Variants in CDH18 observed in about 807,000 individuals in gnomAD.
CDH18 encodes the protein cadherin 18, also known as cadherin-18.
A neutral mutation model predicts 67.9 loss-of-function variants in CDH18; 31 were observed. The ratio of observed to expected loss-of-function variants is 0.46; its 90% CI spans 0.34 to 0.62. The LOEUF (loss-of-function observed/expected upper bound fraction) is 0.62, where lower values mean the gene tolerates loss of function less well. Ranked by LOEUF, CDH18 falls within the 20% of genes least tolerant of loss-of-function variation. The pLI, the probability that CDH18 is intolerant of heterozygous loss-of-function variation, is 0.01. For synonymous variants in CDH18, 362 were observed against 347.2 expected (o/e 1.04, Z -0.48); for missense variants, 890 against 975.5 (o/e 0.91, Z 1.17).
At chr5:19,606,437 A>C (rs950322070) in intron 6 of CDH18, among the ~76,000 whole-genome samples, 1 of 152,136 alleles carries the variant, frequency 6.6e-6, no homozygotes. Context: ...GTTTAAATAA[A>C]GAAAAGGGTG....
chr5:20,203,715 T>G (rs1313305961), intron 2 of CDH18, among the ~76,000 whole-genome samples: 2 of 148,950 alleles, frequency 1.3e-5, no homozygotes, highest in Non-Finnish European at 3.0e-5. Context: ...GACATAGACA[T>G]ACTTCCACAA....
At chr5:19,661,428 T>C (rs1757159140) in intron 5 of CDH18, among the ~76,000 whole-genome samples, 1 of 151,924 alleles carries the variant, frequency 6.6e-6, no homozygotes, top group Non-Finnish European at 1.5e-5. Context: ...AATATATAAA[T>C]GATACTTGAT....
chr5:20,070,669 A>G (rs1295307041), intron 2 of CDH18, among the ~76,000 whole-genome samples: 1 of 152,202 alleles, frequency 6.6e-6, no homozygotes, highest in Non-Finnish European at 1.5e-5. Flanking sequence ...TTCCATCAGG[A>G]GATGCAAACA....
intron 2 of CDH18, among the ~76,000 whole-genome samples, chr5:20,010,323 C>T (rs542545060): frequency 1.3e-5 from 2 of 152,032 alleles, no homozygotes; most frequent in South Asian, 4.1e-4. Flanking sequence ...GATTCTCCTG[C>T]CTCAGCCTCC....
intron 1 of CDH18, among the ~76,000 whole-genome samples, chr5:20,339,476 A>G (rs1394909651): frequency 6.6e-6 from 1 of 152,038 alleles, no homozygotes; most frequent in Non-Finnish European, 1.5e-5. Context: ...TTGTGAGAGG[A>G]GCTGCAAGGG....
intron 1 of CDH18, among the ~76,000 whole-genome samples, chr5:20,467,644 A>C (rs532672810): frequency 2.0e-5 from 3 of 152,218 alleles, no homozygotes; most frequent in Non-Finnish European, 4.4e-5. Flanking sequence ...CTGTACCAAA[A>C]ACAACATTAG....
intron 5 of CDH18, among the ~76,000 whole-genome samples, chr5:19,690,792 C>T (rs889133376): frequency 5.9e-5 from 9 of 151,648 alleles, no homozygotes; most frequent in African/African-American, 2.2e-4. Context: ...AATAAAAAAG[C>T]CTCAAAAGAG....
intron 5 of CDH18, among the ~76,000 whole-genome samples, chr5:19,653,232 C>A (rs1755830176): frequency 6.6e-6 from 1 of 151,992 alleles, no homozygotes; most frequent in Admixed American, 6.6e-5. Context: ...AAGTTCTGAA[C>A]CAGGGTAGTC....
At chr5:20,377,352 A>G (rs558353637) in intron 1 of CDH18, among the ~76,000 whole-genome samples, 10 of 152,336 alleles carry the variant, frequency 6.6e-5, no homozygotes, top group Non-Finnish European at 7.3e-5. Flanking sequence ...TTCCAAAAAA[A>G]TGAGAAAGAG....
At chr5:19,951,074 G>A (rs1254434626) in intron 2 of CDH18, among the ~76,000 whole-genome samples, 3 of 152,112 alleles carry the variant, frequency 2.0e-5, no homozygotes. Context: ...GGGTGAATAG[G>A]CTTCAACTTC....
chr5:19,950,068 G>GTATATATCCAATGTGATATATACA (rs1795646858), intron 2 of CDH18, among the ~76,000 whole-genome samples: 1 of 150,678 alleles, frequency 6.6e-6, no homozygotes. Flanking sequence ...ACATATATAT[G>GTATATATCCAATGTGATATATACA]TATATATCCA....
chr5:20,294,098 A>G (rs1399433115), intron 1 of CDH18, among the ~76,000 whole-genome samples: 1 of 152,168 alleles, frequency 6.6e-6, no homozygotes, highest in East Asian at 1.9e-4. Flanking sequence ...CAGAAGTTGC[A>G]CTGAGGCCTA....
intron 2 of CDH18, among the ~76,000 whole-genome samples, chr5:20,024,970 A>T (rs987835342): frequency 3.9e-5 from 6 of 152,142 alleles, no homozygotes; most frequent in African/African-American, 1.4e-4. Context: ...ATTGTGGCTT[A>T]TCTACCAATA....
chr5:19,895,313 CAA>C lies in CDH18; in HGVS notation c.-256-56073_-256-56072del, dbSNP rs1389994370. Among the ~76,000 whole-genome samples, 22 of 152,294 alleles carry C rather than the reference CAA, an allele frequency of 1.4e-4. No individual in the cohort carries two copies. The East Asian group carries it at 3.9e-3, about 27-fold the overall frequency. On this transcript the variant is annotated intron_variant, in intron 2 of 12. Transcript: ENST00000382275. ...TGCCAGGAAGTATAAGAAGAAGCCA[CAA>C]ATGCTGAGCTTGATCTTGTTTAAGG...
intron 10 of CDH18, among the ~76,000 whole-genome samples, chr5:19,514,820 T>A (rs1745702234): frequency 6.6e-6 from 1 of 152,358 alleles, no homozygotes; most frequent in South Asian, 2.1e-4. Context: ...GATGGTAGTT[T>A]CTTTTGCTGT....
At chr5:19,796,653 G>A (rs1246478744) in intron 3 of CDH18, among the ~76,000 whole-genome samples, 1 of 152,004 alleles carries the variant, frequency 6.6e-6, no homozygotes, top group Non-Finnish European at 1.5e-5. Context: ...GAGCAGAAAA[G>A]TGAAAAAATG....
At chr5:19,918,560 C>T (rs1792079016) in intron 2 of CDH18, among the ~76,000 whole-genome samples, 1 of 152,142 alleles carries the variant, frequency 6.6e-6, no homozygotes, top group South Asian at 2.1e-4. Context: ...GCAGAAATCA[C>T]ATTTGTTCAC....
intron 2 of CDH18, among the ~76,000 whole-genome samples, chr5:20,055,289 G>A (rs1741807270): frequency 1.3e-5 from 2 of 152,114 alleles, no homozygotes; most frequent in Non-Finnish European, 2.9e-5. Flanking sequence ...AATATTCTTC[G>A]CTTGTGAAAT....
At chr5:20,131,660 A>T (rs894462247) in intron 2 of CDH18, among the ~76,000 whole-genome samples, 2 of 152,190 alleles carry the variant, frequency 1.3e-5, no homozygotes, top group African/African-American at 4.8e-5. Context: ...AGAACTAGTT[A>T]TCAAGTGCTT....
Sources: gnomAD v4.1 joint callset for allele counts (sites outside exome capture counted in the v4.1 genomes callset) on GRCh38, gnomAD v4.1.1 for gene constraint, MANE v1.5 for transcripts, NCBI Gene and HGNC (gene_info 2026-07-23, HGNC 2026-07-21) for gene names.